Variants in HERC2 observed in about 807,000 individuals in gnomAD.
The protein encoded by HERC2 is HECT and RLD domain containing E3 ubiquitin protein ligase 2, also known as E3 ubiquitin-protein ligase HERC2.
In HERC2, 102 loss-of-function variants were observed where a neutral mutation model predicts 537.7. The ratio of observed to expected loss-of-function variants is 0.19; its 90% CI spans 0.16 to 0.22. The LOEUF (loss-of-function observed/expected upper bound fraction) is 0.22. Among genes scored for constraint, HERC2 ranks in the 10% least tolerant of loss-of-function variants. The pLI, the probability that HERC2 is intolerant of heterozygous loss-of-function variation, is 1.00. For synonymous variants in HERC2, 2,224 were observed against 2,466.2 expected (o/e 0.90, Z 2.91); for missense variants, 4,236 against 6,198.2 (o/e 0.68, Z 10.63).
chr15:28,271,251 C>T (rs1173393526), intron 9 of HERC2, among the ~76,000 whole-genome samples: 2 of 152,212 alleles, frequency 1.3e-5, no homozygotes, highest in African/African-American at 4.8e-5. Context: ...AAAACCAAAA[C>T]CTTTATTTTA....
rs1255582299 is a variant in HERC2, at chr15:28,186,634, A to G, written c.8768T>C (p.Val2923Ala). 1 of 1,613,836 alleles carries G rather than the reference A, an allele frequency of 6.2e-7. No individual in the cohort carries two copies. Among genetic ancestry groups the G allele is most frequent in the Non-Finnish European group, 8.5e-7 (1 of 1,179,892 alleles). Residue 2923 changes from valine to alanine, a missense_variant, in exon 56 of 93, where the codon GTT becomes GCT. By Grantham distance (64) the Val-to-Ala change is moderately conservative. This residue lies in a region of HERC2 where 606 missense variants were observed against 884.5 expected (regional missense o/e 0.69). Transcript: ENST00000261609. ...IRAEEEDLAA[V>A]PFLASDNEEE... ...TTCATTATCCGAAGCTAAGAAAGGA[A>G]CTGCAGCCAAATCTTCCTCTTCTGC...
At chr15:28,292,680 A>G (rs2076350791) in intron 4 of HERC2, among the ~76,000 whole-genome samples, 1 of 152,204 alleles carries the variant, frequency 6.6e-6, no homozygotes, top group South Asian at 2.1e-4. Context: ...CTGGGCAACA[A>G]TGTGAATATA....
Position 28,220,549 on chromosome 15 carries a change from G to A in HERC2, c.5748C>T (p.Tyr1916=), listed in dbSNP as rs751735390. Residue 1916 remains tyrosine, a synonymous_variant, in exon 37 of 93, where the codon TAC becomes TAT. Transcript: ENST00000261609. The stretch of plus-strand genomic sequence containing the variant: ...CGTATTTTCCTTCTTTCCCCATCCT[G>A]TAGGAGTTGGTGCTGCCTGTGTCCC... The part of the protein sequence containing the change: ...VQWDTGSTNS[Y]RMGKEGKYDL... 2 of 1,601,034 alleles carry A rather than the reference G, an allele frequency of 1.2e-6. No individual in the cohort carries two copies. Among genetic ancestry groups the A allele is most frequent in the Non-Finnish European group, 1.7e-6 (2 of 1,179,768 alleles).
chr15:28,115,120 C>A (rs541819024), intron 89 of HERC2, among the ~76,000 whole-genome samples: 1 of 152,016 alleles, frequency 6.6e-6, no homozygotes, highest in South Asian at 2.1e-4. Flanking sequence ...TGGCTGTGGT[C>A]GCCCCAGGAC....
intron 2 of HERC2, among the ~76,000 whole-genome samples, chr15:28,309,541 G>A (rs1440727813): frequency 2.0e-5 from 3 of 152,174 alleles, no homozygotes; most frequent in African/African-American, 4.8e-5. Context: ...CGTCCTGAAG[G>A]GATGGTCTTC....
intron 57 of HERC2, 63 bp from the exon 58 acceptor site, chr15:28,179,286 T>C: frequency 8.3e-7 from 1 of 1,203,636 alleles, no homozygotes; most frequent in Non-Finnish European, 1.2e-6. Flanking sequence ...TGTTTAAAAT[T>C]ATGTTACCTT....
At chr15:28,167,900 T>C (rs1321187982) in intron 67 of HERC2, 73 bp from the exon 68 acceptor site, 1 of 1,480,388 alleles carries the variant, frequency 6.8e-7, no homozygotes, top group East Asian at 2.3e-5. Flanking sequence ...CCTATGCAAG[T>C]CCCAAATGCT....
At chr15:28,172,891 T>A (rs1894832249) in intron 65 of HERC2, among the ~76,000 whole-genome samples, 1 of 152,186 alleles carries the variant, frequency 6.6e-6, no homozygotes, top group South Asian at 2.1e-4. Flanking sequence ...CCAGAATATA[T>A]AAGAAACTCT....
chr15:28,304,860 C>A (rs1321995417), intron 2 of HERC2, among the ~76,000 whole-genome samples: 1 of 117,882 alleles, frequency 8.5e-6, no homozygotes, highest in Non-Finnish European at 1.8e-5. Flanking sequence ...CCCCTCCCCC[C>A]TCCCCCCACC....
intron 16 of HERC2, among the ~76,000 whole-genome samples, chr15:28,257,899 T>C (rs1320043551): frequency 6.6e-6 from 1 of 151,746 alleles, no homozygotes; most frequent in Non-Finnish European, 1.5e-5. Flanking sequence ...TTAGTCAGGA[T>C]GGTCTCCATC....
At chr15:28,203,437 T>G (rs1898083408) in intron 45 of HERC2, 1 of 152,036 alleles carries the variant, frequency 6.6e-6, no homozygotes, top group Admixed American at 6.5e-5. Flanking sequence ...TCTAAAAGTT[T>G]AAAATTCAGA....
chr15:28,292,968 T>C lies in HERC2; in HGVS notation c.242A>G (p.Lys81Arg). The C allele has an allele frequency of 6.2e-7, 1 of 1,611,476 alleles. No homozygotes were observed. The highest frequency in any genetic ancestry group is 8.5e-7 in the Non-Finnish European group (1 of 1,179,598). The stretch of plus-strand genomic sequence containing the variant: ...TGCAGGAGTTTCTTCTTCATCTTTT[T>C]TCTCTTTGTCATTCAGATCTTCTTT... ...TKKEDLNDKE[K>R]KDEEETPAPI... Residue 81 changes from lysine (K) to arginine (R), a missense_variant, in exon 4 of 93, where the codon AAA (lysine) becomes AGA (arginine). Around this residue, in one of 27 missense-constraint regions of HERC2, gnomAD observed 491 missense variants for 559.3 expected, o/e 0.88. Transcript: ENST00000261609.
At chr15:28,141,330 C>A in intron 78 of HERC2, 102 bp downstream of exon 78, 1 of 900,968 alleles carries the variant, frequency 1.1e-6, no homozygotes. Flanking sequence ...TCCTGAGAAA[C>A]GTTTTAGTAC....
In HERC2 at chr15:28,113,826, A is replaced by G. The variant is rs1255371289; in HGVS notation, c.13914-148T>C. On this transcript the variant is annotated intron_variant, in intron 90 of 92. Coordinates refer to ENST00000261609, the MANE Select transcript of HERC2 (RefSeq NM_004667.6). The surrounding 1 kb of genome is among the most constrained non-coding windows in gnomAD (Gnocchi z 7.0). ...AGCTCCAGATGGCATGAGCATGCTT[A>G]GCAGCTCGGCACTGCAGAGCTTCTC... is the stretch of plus-strand genomic sequence containing the variant. The G allele has an allele frequency of 4.2e-5, 28 of 669,842 alleles. No homozygotes were observed. The highest frequency in any genetic ancestry group is 7.5e-5 in the Non-Finnish European group (28 of 373,064). 41.5% of individuals were successfully genotyped at this position (669,842 alleles called of 1,614,324 possible). A position where few individuals can be genotyped will look rare whatever the true frequency, so the allele number is the denominator to read the frequency against.
intron 4 of HERC2, among the ~76,000 whole-genome samples, chr15:28,291,235 A>AC (rs1555453607): frequency 6.6e-6 from 1 of 151,462 alleles, no homozygotes; most frequent in East Asian, 1.9e-4. Context: ...CCAAATACGA[A>AC]TTTTTTTTTA....
Position 28,144,539 on chromosome 15 carries a change from G to A in HERC2, c.11140+134C>T, listed in dbSNP as rs544700407. On this transcript the variant is annotated intron_variant, in intron 72 of 92. Coordinates refer to ENST00000261609, the MANE Select transcript of HERC2 (RefSeq NM_004667.6). ...TCTGTTCCACGCCTCAGCAGGGCCTGTGAGAGCACTCACTCCAACACAGCA... is the reference window on the plus strand; with the variant it reads ...TCTGTTCCACGCCTCAGCAGGGCCTATGAGAGCACTCACTCCAACACAGCA... 1.4e-5 allele frequency: 17 copies of A among 1,257,670 alleles called. No homozygotes were observed. The East Asian group carries it at 1.4e-4, about 10-fold the overall frequency. The allele number at this position is 1,257,670 out of a possible 1,614,324, so 77.9% of individuals were successfully genotyped here.
chr15:28,315,485 T>C (rs1004573762), intron 2 of HERC2, among the ~76,000 whole-genome samples: 3 of 152,198 alleles, frequency 2.0e-5, no homozygotes, highest in African/African-American at 7.2e-5. Flanking sequence ...CTACCTTTAA[T>C]AGGGTCAAGC....
At chr15:28,315,593 G>C in intron 2 of HERC2, 1 of 482,314 alleles carries the variant, frequency 2.1e-6, no homozygotes, top group South Asian at 1.8e-5. Flanking sequence ...AGGAGTTCAA[G>C]ACCAGCCTGG....
intron 78 of HERC2, among the ~76,000 whole-genome samples, chr15:28,140,908 T>C (rs1437584057): frequency 6.6e-6 from 1 of 152,104 alleles, no homozygotes; most frequent in Non-Finnish European, 1.5e-5. Context: ...AAAATTGTAA[T>C]ACTTTTGCAT....
Sources: gnomAD v4.1 joint callset for allele counts (sites outside exome capture counted in the v4.1 genomes callset) on GRCh38, gnomAD v4.1.1 for gene constraint, gnomAD v4.1.1 regional missense constraint, Gnocchi (gnomAD v3.1) non-coding constraint, MANE v1.5 for transcripts, NCBI Gene and HGNC (gene_info 2026-07-23, HGNC 2026-07-21) for gene names.